KCNG3: variants seen among roughly 807,000 people sequenced by gnomAD.
The protein encoded by KCNG3 is potassium voltage-gated channel modifier subfamily G member 3.
In KCNG3, 15 loss-of-function variants were observed where a neutral mutation model predicts 29.0. That is an observed-to-expected ratio of 0.52 (90% confidence interval 0.35 to 0.80). The LOEUF is 0.80. Among genes scored for constraint, KCNG3 ranks in the 30% least tolerant of loss-of-function variants. The pLI, the probability that KCNG3 is intolerant of heterozygous loss-of-function variation, is 0.01. For missense variants in KCNG3, 512 were observed against 605.7 expected (o/e 0.85, Z 1.62); for synonymous variants, 322 against 248.9 (o/e 1.29, Z -2.76).
chr2:42,448,707 T>TG (rs1195089424), intron 1 of KCNG3, among the ~76,000 whole-genome samples: 1 of 152,248 alleles, frequency 6.6e-6, no homozygotes, highest in East Asian at 1.9e-4. Flanking sequence ...AACACGCTTA[T>TG]GGCCGGGAGC....
At chr2:42,452,815 T>A (rs1672795343) in intron 1 of KCNG3, among the ~76,000 whole-genome samples, 1 of 152,112 alleles carries the variant, frequency 6.6e-6, no homozygotes, top group Non-Finnish European at 1.5e-5. Flanking sequence ...GAAGTCTCAC[T>A]CTGTCACCCA....
Position 42,443,169 on chromosome 2 carries a change from C to T in KCNG3, c.*765G>A, listed in dbSNP as rs1039225233. On this transcript the variant is annotated 3_prime_UTR_variant, in exon 2 of 2. Transcript: ENST00000306078. ...CATCTAAATATTAGGACAGTTATCACCTAGGAACAGCAATGAATTCAAATA... is the reference window on the plus strand; with the variant it reads ...CATCTAAATATTAGGACAGTTATCATCTAGGAACAGCAATGAATTCAAATA... 6.6e-6 allele frequency: 1 copy of T among 152,094 alleles called. No homozygotes were observed. Among genetic ancestry groups the T allele is most frequent in the African/African-American group, 2.4e-5 (1 of 41,416 alleles). The allele number at this position is 152,094 out of a possible 1,614,324, so 9.4% of individuals were successfully genotyped here. A position where few individuals can be genotyped will look rare whatever the true frequency, so the allele number is the denominator to read the frequency against.
chr2:42,430,127 G>T, the KCNG3 span, among the ~76,000 whole-genome samples: 28 of 152,216 alleles, frequency 1.8e-4, no homozygotes, highest in African/African-American at 5.8e-4. Context: ...AGCAATTTGG[G>T]TGGCCAAGGC....
the KCNG3 span, among the ~76,000 whole-genome samples, chr2:42,401,550 T>G: frequency 6.6e-6 from 1 of 152,030 alleles, no homozygotes; most frequent in Non-Finnish European, 1.5e-5. Flanking sequence ...CAAGCGATAC[T>G]CCTACCTCAG....
chr2:42,491,695 G>A (rs1229326162), intron 1 of KCNG3, among the ~76,000 whole-genome samples: 3 of 152,050 alleles, frequency 2.0e-5, no homozygotes, highest in Non-Finnish European at 4.4e-5. Flanking sequence ...AATAGACTCC[G>A]TGGCACTAGA....
chr2:42,479,645 C>CAA (rs1228507786), intron 1 of KCNG3, among the ~76,000 whole-genome samples: 102 of 91,106 alleles, frequency 1.1e-3, no homozygotes, highest in African/African-American at 3.6e-3. Context: ...GACCCTGTCT[C>CAA]AAAAAAAAAA....
intron 1 of KCNG3, among the ~76,000 whole-genome samples, chr2:42,464,270 T>C (rs949532681): frequency 3.0e-4 from 46 of 152,172 alleles, no homozygotes; most frequent in African/African-American, 8.2e-4. Context: ...TTAAAACAAG[T>C]TGCCCAGGTT....
the KCNG3 span, chr2:42,413,821 G>A: frequency 5.3e-5 from 8 of 152,274 alleles, no homozygotes; most frequent in African/African-American, 1.4e-4. Flanking sequence ...TCACTATTGC[G>A]AAAACAGCAT....
At chr2:42,469,544 G>A (rs111829065) in intron 1 of KCNG3, among the ~76,000 whole-genome samples, 1 of 151,954 alleles carries the variant, frequency 6.6e-6, no homozygotes. Flanking sequence ...GTAGTGCTAA[G>A]GAAAGTGTTA....
At chr2:42,478,436 G>A (rs7595265) in intron 1 of KCNG3, among the ~76,000 whole-genome samples, 71,335 of 151,538 alleles carry the variant, frequency 0.47, 17,870 homozygotes, top group Middle Eastern at 0.72. Context: ...TCATGATATT[G>A]CCCAGGCTGG....
the KCNG3 span, chr2:42,388,356 C>G: frequency 1.3e-5 from 2 of 151,978 alleles, no homozygotes; most frequent in Non-Finnish European, 1.5e-5. Flanking sequence ...TAAGAATAAA[C>G]GTTTCACATT....
chr2:42,418,811 A>C, the KCNG3 span, among the ~76,000 whole-genome samples: 1 of 152,226 alleles, frequency 6.6e-6, no homozygotes, highest in African/African-American at 2.4e-5. Flanking sequence ...ATAAATGAAG[A>C]GTAGTTATTA....
Position 42,493,094 on chromosome 2 carries a change from G to A in KCNG3, c.408C>T (p.Gly136=), listed in dbSNP as rs1384001761. 2 of 1,578,618 alleles carry A rather than the reference G, an allele frequency of 1.3e-6. No individual in the cohort carries two copies. Among genetic ancestry groups the A allele is most frequent in the Non-Finnish European group, 1.7e-6 (2 of 1,167,058 alleles). ...FYSADEPGVL[G]RDEARPGGAE... ...CCCCGCCGGGGCGCGCCTCGTCGCGGCCCAGCACGCCCGGCTCGTCGGCCG... is the reference window on the plus strand; with the variant it reads ...CCCCGCCGGGGCGCGCCTCGTCGCGACCCAGCACGCCCGGCTCGTCGGCCG... Residue 136 remains glycine, a synonymous_variant, in exon 1 of 2, where the codon GGC becomes GGT. Coordinates refer to ENST00000306078, the MANE Select transcript of KCNG3 (RefSeq NM_133329.6).
At chr2:42,485,253 T>C (rs1317506365) in intron 1 of KCNG3, among the ~76,000 whole-genome samples, 1 of 151,958 alleles carries the variant, frequency 6.6e-6, no homozygotes, top group South Asian at 2.1e-4. Flanking sequence ...TAGAAAAAAA[T>C]TTCTAAAGAG....
chr2:42,391,891 C>T, the KCNG3 span, among the ~76,000 whole-genome samples: 1 of 151,976 alleles, frequency 6.6e-6, no homozygotes, highest in Non-Finnish European at 1.5e-5. Context: ...CGTGAGCCAC[C>T]GCGCCCGGCC....
At chr2:42,388,420 A>T in the KCNG3 span, 1 of 152,240 alleles carries the variant, frequency 6.6e-6, no homozygotes, top group Non-Finnish European at 1.5e-5. Flanking sequence ...AATAACAGAG[A>T]GCAAAAACAA....
chr2:42,411,633 C>T, the KCNG3 span, among the ~76,000 whole-genome samples: 2 of 152,212 alleles, frequency 1.3e-5, no homozygotes, highest in Non-Finnish European at 2.9e-5. Context: ...CAGGTGTGCA[C>T]CACCACTCCC....
At chr2:42,452,071 C>A (rs976291667) in intron 1 of KCNG3, among the ~76,000 whole-genome samples, 3 of 151,714 alleles carry the variant, frequency 2.0e-5, no homozygotes, top group Non-Finnish European at 4.4e-5. Context: ...ATCAACCCAA[C>A]TAAAAAATGG....
chr2:42,474,529 A>G (rs1673375656), intron 1 of KCNG3, among the ~76,000 whole-genome samples: 1 of 152,220 alleles, frequency 6.6e-6, no homozygotes, highest in African/African-American at 2.4e-5. Flanking sequence ...TCCATCTCAA[A>G]AGAAAAAATA....
Sources: allele counts gnomAD v4.1 joint callset (sites outside exome capture counted in the v4.1 genomes callset), GRCh38; gene constraint gnomAD v4.1.1; transcripts MANE v1.5; gene names NCBI Gene and HGNC (gene_info 2026-07-23, HGNC 2026-07-21).